The following BSN variants were observed in gnomAD, a reference collection of about 807,000 sequenced individuals.
BSN encodes bassoon presynaptic cytomatrix protein, also known as protein bassoon.
Under a neutral mutation model 264.8 loss-of-function variants are expected in BSN, and 57 were observed. The ratio of observed to expected loss-of-function variants is 0.22; its 90% CI spans 0.17 to 0.27. BSN has a LOEUF of 0.27. Ranked by LOEUF, BSN falls within the 10% of genes least tolerant of loss-of-function variation. The pLI is 1.00. For synonymous variants in BSN, 2,059 were observed against 2,137.3 expected, an observed-to-expected ratio of 0.96 and a Z score of 1.01; for missense variants, 4,615 against 5,232.5, an observed-to-expected ratio of 0.88 and a Z score of 3.64.
intron 2 of BSN, among the ~76,000 whole-genome samples, chr3:49,634,971 C>A (rs1306402972): frequency 6.6e-6 from 1 of 152,094 alleles, no homozygotes; most frequent in African/African-American, 2.4e-5. Context: ...GCCAGAGTGG[C>A]AGAGGGGGCT....
intron 1 of BSN, among the ~76,000 whole-genome samples, chr3:49,615,012 G>C (rs1292435128): frequency 6.6e-6 from 1 of 152,112 alleles, no homozygotes; most frequent in Non-Finnish European, 1.5e-5. Flanking sequence ...TATGTTTAAT[G>C]GCAGCAAGTC....
chr3:49,592,460 T>G (rs1163347605), intron 1 of BSN, among the ~76,000 whole-genome samples: 1 of 149,456 alleles, frequency 6.7e-6, no homozygotes, highest in African/African-American at 2.5e-5. Context: ...CTGTAAGAAA[T>G]AATACAGAGA....
chr3:49,673,087 C>CTTTT (rs71080543), downstream of BSN, among the ~76,000 whole-genome samples: 849 of 43,156 alleles, frequency 0.02, 153 homozygotes, highest in African/African-American at 0.024. Context: ...CCGGCCGGGA[C>CTTTT]TTTTTTTTTT....
chr3:49,587,418 T>C (rs989950701), intron 1 of BSN, among the ~76,000 whole-genome samples: 4 of 152,212 alleles, frequency 2.6e-5, no homozygotes, highest in East Asian at 1.9e-4. Flanking sequence ...TCTTGTCTGA[T>C]TGGACTTAAG....
intron 1 of BSN, among the ~76,000 whole-genome samples, chr3:49,621,982 T>C (rs1004302061): frequency 6.6e-6 from 1 of 152,188 alleles, no homozygotes; most frequent in African/African-American, 2.4e-5. Flanking sequence ...GTACTGCTGC[T>C]TCTACTTTTT....
Position 49,663,059 on chromosome 3 carries a change from G to T in BSN, c.10901G>T (p.Gly3634Val), listed in dbSNP as rs1400799108. 6.2e-7 allele frequency: 1 copy of T among 1,613,004 alleles called. No individual in the cohort carries two copies. Among genetic ancestry groups the T allele is most frequent in the African/African-American group, 1.3e-5 (1 of 74,944 alleles). ...GAGGGCCTGTGGCCTCATGATGAGG[G>T]TGGCCCAGGCCGCCATGCCTCAGCC... ...PEEGLWPHDEGGPGRHASAKE... is the reference protein window; with the variant it reads ...PEEGLWPHDEVGPGRHASAKE... Residue 3634 changes from glycine (G) to valine (V), a missense_variant, in exon 7 of 12, where the codon GGT becomes GTT. Coordinates refer to ENST00000296452, the MANE Select transcript of BSN (RefSeq NM_003458.4).
At chr3:49,659,705 G>T (rs1421477502) in intron 5 of BSN, among the ~76,000 whole-genome samples, 1 of 152,160 alleles carries the variant, frequency 6.6e-6, no homozygotes, top group Admixed American at 6.5e-5. Flanking sequence ...AGGACCCCAT[G>T]GTAGGCACTG....
chr3:49,640,072 C>T (rs2052448927), intron 2 of BSN, among the ~76,000 whole-genome samples: 1 of 152,196 alleles, frequency 6.6e-6, no homozygotes, highest in Non-Finnish European at 1.5e-5. Context: ...GGGCCTTCTG[C>T]CCCAGAGATG....
chr3:49,580,455 A>G (rs928851906), intron 1 of BSN, among the ~76,000 whole-genome samples: 3 of 152,018 alleles, frequency 2.0e-5, no homozygotes, highest in African/African-American at 7.3e-5. Context: ...AAATTTTTTT[A>G]GGATCTTGCT....
intron 1 of BSN, among the ~76,000 whole-genome samples, chr3:49,561,742 A>G (rs1356145578): frequency 1.3e-5 from 2 of 152,124 alleles, no homozygotes; most frequent in African/African-American, 2.4e-5. Context: ...ATTTACAAGA[A>G]TGCAATACAT....
At chr3:49,673,087 CT>C (rs71080543), downstream of BSN, among the ~76,000 whole-genome samples, 12,452 of 43,254 alleles carry the variant, frequency 0.29, 1,703 homozygotes, top group Middle Eastern at 0.44. Flanking sequence ...CCGGCCGGGA[CT>C]TTTTTTTTTT....
At position 49,651,496 on chromosome 3, in the gene BSN, C is replaced by T. The variant is rs533609888; in HGVS notation, c.1987-47C>T. On this transcript the variant is annotated intron_variant, in intron 4 of 11. Transcript: ENST00000296452. The surrounding 1 kb of genome is among the most constrained non-coding windows in gnomAD (Gnocchi z 5.4). ...GACAGGGAGGATTGGGTTCCCACCA[C>T]GAGCTTTGCCATGGGGAGTCAGTGT... 33 of 1,519,030 alleles carry T rather than the reference C, an allele frequency of 2.2e-5. No homozygotes were observed. Among genetic ancestry groups the T allele is most frequent in the South Asian group, 1.6e-4 (12 of 76,334 alleles). 94.1% of individuals were successfully genotyped at this position (1,519,030 alleles called of 1,614,324 possible).
chr3:49,652,748 G>A lies in BSN; in HGVS notation c.3192G>A (p.Gln1064=), dbSNP rs1426574312. The A allele has an allele frequency of 6.4e-7, 1 of 1,557,414 alleles. No individual in the cohort carries two copies. Residue 1064 remains glutamine, a synonymous_variant, in exon 5 of 12, where the codon CAG becomes CAA. Transcript: ENST00000296452. ...REQEKMREVE[Q]QRIRSTARKT... is the part of the protein sequence containing the mutation. ...AAGAGAAGATGCGGGAGGTGGAGCA[G>A]CAGCGCATCCGCAGCACGGCCCGCA...
chr3:49,658,787 C>G (rs987865564), intron 5 of BSN, among the ~76,000 whole-genome samples: 1 of 152,136 alleles, frequency 6.6e-6, no homozygotes, highest in African/African-American at 2.4e-5. Context: ...GTCTGCTCCC[C>G]TAGATAGGGG....
intron 1 of BSN, among the ~76,000 whole-genome samples, chr3:49,622,960 T>C (rs919582588): frequency 6.6e-6 from 1 of 152,184 alleles, no homozygotes; most frequent in Non-Finnish European, 1.5e-5. Context: ...TGATGGTTGA[T>C]GACAGGAATG....
Position 49,652,907 on chromosome 3 carries a change from G to C in BSN, c.3351G>C (p.Glu1117Asp). 1.2e-6 allele frequency: 2 copies of C among 1,610,314 alleles called. No individual in the cohort carries two copies. The highest frequency in any genetic ancestry group is 1.7e-6 in the Non-Finnish European group (2 of 1,177,688). ...TGAGGCAGGCGGCCGAGATGGAGGA[G>C]CTACACCGCTCCTCCTGCTCTGAGT... is the stretch of plus-strand genomic sequence containing the variant. ...EELRQAAEME[E>D]LHRSSCSEYS... Residue 1117 changes from glutamate to aspartate, a missense_variant, in exon 5 of 12, where the codon GAG becomes GAC. This residue lies in a region of BSN where 3,415 missense variants were observed against 3,866.4 expected (regional missense o/e 0.88). Coordinates refer to ENST00000296452, the MANE Select transcript of BSN (RefSeq NM_003458.4).
intron 1 of BSN, among the ~76,000 whole-genome samples, chr3:49,610,594 A>AC (rs1553662607): frequency 6.6e-6 from 1 of 151,420 alleles, no homozygotes; most frequent in Non-Finnish European, 1.5e-5. Context: ...CAAAAAAAAA[A>AC]AAAAAAAAAA....
At chr3:49,558,806 A>G (rs144121832) in intron 1 of BSN, among the ~76,000 whole-genome samples, 3 of 152,346 alleles carry the variant, frequency 2.0e-5, no homozygotes, top group African/African-American at 7.2e-5. Context: ...CTCCAGGGAA[A>G]GCAGGCTACT....
At position 49,643,054 on chromosome 3, in the gene BSN, G is replaced by A. The variant is rs2052478175; in HGVS notation, c.1420G>A (p.Val474Met). The change falls in exon 3 of 12, where the codon GTG becomes ATG. Residue 474 changes from valine to methionine, a missense_variant. This residue lies in a region of BSN where 1,197 missense variants were observed against 1,348.0 expected (regional missense o/e 0.89). Transcript: ENST00000296452. ...ICPLCQAELN[V>M]GSKSPANYNT... ...CCCACTGTGCCAAGCCGAGCTCAAC[G>A]TGGGCAGCAAGAGCCCAGCCAACTA... The A allele has an allele frequency of 1.2e-6, 2 of 1,614,034 alleles. No individual in the cohort carries two copies. The highest frequency in any genetic ancestry group is 1.7e-6 in the Non-Finnish European group (2 of 1,180,032).
Sources: gnomAD v4.1 joint callset for allele counts (sites outside exome capture counted in the v4.1 genomes callset) on GRCh38, gnomAD v4.1.1 for gene constraint, gnomAD v4.1.1 regional missense constraint, Gnocchi (gnomAD v3.1) non-coding constraint, MANE v1.5 for transcripts, NCBI Gene and HGNC (gene_info 2026-07-23, HGNC 2026-07-21) for gene names.